The following BEND7 variants were observed in gnomAD, a reference collection of about 807,000 sequenced individuals.
The protein encoded by BEND7 is BEN domain-containing protein 7.
Under a neutral mutation model 50.9 loss-of-function variants are expected in BEND7, and 28 were observed. That is an observed-to-expected ratio of 0.55 (90% confidence interval 0.41 to 0.75). The LOEUF (loss-of-function observed/expected upper bound fraction) is 0.75. Among genes scored for constraint, BEND7 ranks in the 30% least tolerant of loss-of-function variants. The pLI, the probability that BEND7 is intolerant of heterozygous loss-of-function variation, is 0.00. For synonymous variants in BEND7, 170 were observed against 183.9 expected, an observed-to-expected ratio of 0.92 and a Z score of 0.61; for missense variants, 477 against 491.3, an observed-to-expected ratio of 0.97 and a Z score of 0.28.
chr10:13,494,395 G>A (rs998915465), intron 4 of BEND7, among the ~76,000 whole-genome samples: 1 of 152,150 alleles, frequency 6.6e-6, no homozygotes, highest in African/African-American at 2.4e-5. Context: ...CCAGCCTGGC[G>A]ACAGAGTGAG....
At chr10:13,502,340 C>T (rs2077532802) in intron 2 of BEND7, among the ~76,000 whole-genome samples, 1 of 152,096 alleles carries the variant, frequency 6.6e-6, no homozygotes, top group Non-Finnish European at 1.5e-5. Context: ...GGAAATAACA[C>T]AGATTTCCAA....
chr10:13,444,063 A>G (rs1489989982), intron 8 of BEND7: 1 of 151,564 alleles, frequency 6.6e-6, no homozygotes, highest in Non-Finnish European at 1.5e-5. Flanking sequence ...CACTTTCTCT[A>G]TACTTTTTTT....
intron 6 of BEND7, among the ~76,000 whole-genome samples, chr10:13,456,062 G>A (rs1838891252): frequency 6.6e-6 from 1 of 152,126 alleles, no homozygotes; most frequent in Non-Finnish European, 1.5e-5. Flanking sequence ...GAAGAACAGG[G>A]ATATAAGCCC....
At chr10:13,519,626 C>T (rs1160404580) in intron 2 of BEND7, among the ~76,000 whole-genome samples, 12 of 152,160 alleles carry the variant, frequency 7.9e-5, no homozygotes, top group African/African-American at 2.9e-4. Context: ...GGAGGGCCAA[C>T]GTTATTCTTC....
At chr10:13,447,896 GT>G (rs1836769611) in intron 7 of BEND7, among the ~76,000 whole-genome samples, 1 of 152,146 alleles carries the variant, frequency 6.6e-6, no homozygotes, top group Non-Finnish European at 1.5e-5. Context: ...GGGGTGAATT[GT>G]TTAAATAGGG....
chr10:13,512,076 A>G (rs1388530116), intron 2 of BEND7, among the ~76,000 whole-genome samples: 2 of 152,202 alleles, frequency 1.3e-5, no homozygotes, highest in African/African-American at 2.4e-5. Context: ...CCATCTTTAC[A>G]GATTCTGACT....
At chr10:13,507,681 C>T (rs1413724156) in intron 2 of BEND7, among the ~76,000 whole-genome samples, 1 of 152,032 alleles carries the variant, frequency 6.6e-6, no homozygotes, top group Non-Finnish European at 1.5e-5. Flanking sequence ...AAGGTGAGGC[C>T]ACAGATGATC....
intron 1 of BEND7, chr10:13,527,960 A>C: frequency 2.4e-6 from 1 of 411,700 alleles, no homozygotes; most frequent in Non-Finnish European, 3.3e-6. Flanking sequence ...TCCAACCCAA[A>C]TCAGCTAGCT....
intron 6 of BEND7, among the ~76,000 whole-genome samples, chr10:13,466,344 C>G (rs2074248952): frequency 6.6e-6 from 1 of 151,876 alleles, no homozygotes; most frequent in Non-Finnish European, 1.5e-5. Flanking sequence ...GGCGGATCAC[C>G]TGGTTAGGAG....
At chr10:13,509,241 G>A (rs576280307) in intron 2 of BEND7, among the ~76,000 whole-genome samples, 1 of 152,284 alleles carries the variant, frequency 6.6e-6, no homozygotes, top group East Asian at 1.9e-4. Context: ...ATGTCCTTAT[G>A]TTTTCTCTTA....
intron 5 of BEND7, among the ~76,000 whole-genome samples, chr10:13,489,873 T>C (rs1207681755): frequency 6.6e-6 from 1 of 152,250 alleles, no homozygotes; most frequent in Non-Finnish European, 1.5e-5. Flanking sequence ...TTGTGCTTAA[T>C]GCAAATGCAG....
At chr10:13,527,168 A>T (rs1300283130) in intron 1 of BEND7, among the ~76,000 whole-genome samples, 1 of 152,248 alleles carries the variant, frequency 6.6e-6, no homozygotes, top group African/African-American at 2.4e-5. Context: ...CCAACAGGGC[A>T]ATCACCCAGA....
rs1421837948 is a variant in BEND7, at chr10:13,452,606, T to C, written c.1116A>G (p.Pro372=). 1.9e-6 allele frequency: 3 copies of C among 1,613,368 alleles called. No homozygotes were observed. The highest frequency in any genetic ancestry group is 2.2e-5 in the South Asian group (2 of 90,958). The part of the protein sequence containing the change: ...TANHVDKLPG[P]RDWVQILQDQ... ...CCTGTAGAATCTGTACCCAATCTCT[T>C]GGGCCAGGAAGCTTATCCACATGGT... Residue 372 remains proline (P), a synonymous_variant, in exon 7 of 9, where the codon CCA becomes CCG. Transcript: ENST00000466271.
intron 7 of BEND7, among the ~76,000 whole-genome samples, chr10:13,448,947 T>C (rs1588634014): frequency 7.5e-6 from 1 of 133,526 alleles, no homozygotes; most frequent in East Asian, 2.2e-4. Flanking sequence ...CACTCCAGCC[T>C]GGGCGACAGA....
At chr10:13,440,187 G>C (rs1032094382), downstream of BEND7, among the ~76,000 whole-genome samples, 2 of 152,154 alleles carry the variant, frequency 1.3e-5, no homozygotes, top group Non-Finnish European at 2.9e-5. Context: ...TCTTCGAGCT[G>C]TTCTGCCAGG....
chr10:13,466,086 CAAG>C (rs947073755), intron 6 of BEND7, among the ~76,000 whole-genome samples: 2 of 152,136 alleles, frequency 1.3e-5, no homozygotes, highest in East Asian at 1.9e-4. Context: ...TGTTGGGAAA[CAAG>C]AAGAACTTTC....
intron 1 of BEND7, among the ~76,000 whole-genome samples, chr10:13,526,873 A>G (rs375419617): frequency 6.6e-6 from 1 of 151,294 alleles, no homozygotes; most frequent in Non-Finnish European, 1.5e-5. Context: ...AAAGAAAAAG[A>G]AAAAAGGAAA....
At position 13,496,844 on chromosome 10, in the gene BEND7, T is replaced by C; in HGVS notation, c.493A>G (p.Thr165Ala). Reference sequence around the variant, plus strand: ...TGCAACGTTGACTGGCAGTTACAAGTACAGCAGTTTGATCCAGCTGATGAA... The same window carrying C: ...TGCAACGTTGACTGGCAGTTACAAGCACAGCAGTTTGATCCAGCTGATGAA... ...VNSSAGSNCC[T>A]CNCQSTLQAI... The change falls in exon 4 of 9, where the codon ACT (threonine) becomes GCT (alanine). Residue 165 changes from threonine to alanine, a missense_variant. Physicochemically the swap from Thr to Ala is moderately conservative, Grantham distance 58. This residue lies in a region of BEND7 where 396 missense variants were observed against 384.2 expected (regional missense o/e 1.03). Transcript: ENST00000466271. 4 of 1,607,540 alleles carry C rather than the reference T, an allele frequency of 2.5e-6. No homozygotes were observed. The highest frequency in any genetic ancestry group is 2.5e-6 in the Non-Finnish European group (3 of 1,179,128).
chr10:13,516,028 T>C (rs1366379421), intron 2 of BEND7, among the ~76,000 whole-genome samples: 1 of 152,194 alleles, frequency 6.6e-6, no homozygotes, highest in Non-Finnish European at 1.5e-5. Flanking sequence ...ATCGTCTCAC[T>C]CTGATCTACT....
Sources: gnomAD v4.1 joint callset for allele counts (sites outside exome capture counted in the v4.1 genomes callset) on GRCh38, gnomAD v4.1.1 for gene constraint, gnomAD v4.1.1 regional missense constraint, MANE v1.5 for transcripts, NCBI Gene and HGNC (gene_info 2026-07-23, HGNC 2026-07-21) for gene names.